The following SORCS2 variants were observed in gnomAD, a reference collection of about 807,000 sequenced individuals.
SORCS2 encodes the protein VPS10 domain-containing receptor SorCS2.
A neutral mutation model predicts 141.6 loss-of-function variants in SORCS2; 100 were observed. That is an observed-to-expected ratio of 0.71 (90% CI 0.60 to 0.83). The LOEUF is 0.83. Among genes scored for constraint, SORCS2 ranks in the 40% least tolerant of loss-of-function variants. The pLI is 0.00. For missense variants in SORCS2, 1,646 were observed against 1,560.2 expected, an observed-to-expected ratio of 1.05 and a Z score of -0.93; for synonymous variants, 789 against 676.9, an observed-to-expected ratio of 1.17 and a Z score of -2.57.
chr4:7,410,783 A>G (rs1725249345), intron 2 of SORCS2, among the ~76,000 whole-genome samples: 1 of 151,754 alleles, frequency 6.6e-6, no homozygotes, highest in Non-Finnish European at 1.5e-5. Context: ...TGTATTCAAT[A>G]AATAATTCAC....
chr4:7,593,492 G>A (rs908796053), intron 3 of SORCS2, among the ~76,000 whole-genome samples: 3 of 152,152 alleles, frequency 2.0e-5, no homozygotes, highest in South Asian at 2.1e-4. Context: ...TGAGAGACCC[G>A]GATGTCCTGC....
chr4:7,274,272 T>C (rs750157025), intron 1 of SORCS2, among the ~76,000 whole-genome samples: 8 of 152,210 alleles, frequency 5.3e-5, no homozygotes, highest in Non-Finnish European at 1.0e-4. Flanking sequence ...TGGTTTGGAA[T>C]TGTTGGAAGA....
intron 2 of SORCS2, among the ~76,000 whole-genome samples, chr4:7,446,771 G>C (rs932301918): frequency 6.6e-6 from 1 of 152,226 alleles, no homozygotes. Flanking sequence ...GGCCACCAGG[G>C]GCAATTGTAC....
chr4:7,241,474 G>C (rs1050513421), intron 1 of SORCS2, among the ~76,000 whole-genome samples: 2 of 152,156 alleles, frequency 1.3e-5, no homozygotes, highest in Non-Finnish European at 2.9e-5. Context: ...GGTCCAGCCT[G>C]AGTCCCTCCT....
chr4:7,288,791 T>TG (rs770898060), intron 1 of SORCS2, among the ~76,000 whole-genome samples: 7,114 of 30,660 alleles, frequency 0.23, 358 homozygotes, highest in African/African-American at 0.32. Flanking sequence ...TCATGTGGGG[T>TG]GGGGGGGGGA....
chr4:7,664,515 G>A lies in SORCS2; in HGVS notation c.1071+44G>A, dbSNP rs772639306. 9.8e-6 allele frequency: 14 copies of A among 1,431,714 alleles called. No homozygotes were observed. Among genetic ancestry groups the A allele is most frequent in the Admixed American group, 8.3e-5 (4 of 48,484 alleles). The allele number at this position is 1,431,714 out of a possible 1,614,324, so 88.7% of individuals were successfully genotyped here. On this transcript the variant is annotated intron_variant, in intron 7 of 26. Coordinates refer to ENST00000507866, the MANE Select transcript of SORCS2 (RefSeq NM_020777.3). This position sits in a 1 kb window ranked among gnomAD's most constrained non-coding sequence, Gnocchi z 4.7. The stretch of plus-strand genomic sequence containing the variant: ...CTTTTGGAAATTGGCAACAGGTGAC[G>A]TGGCGGATGACCCGTTCGCGGCAAA...
At chr4:7,566,011 TG>T (rs1238739625) in intron 3 of SORCS2, among the ~76,000 whole-genome samples, 10 of 2,196 alleles carry the variant, frequency 4.6e-3, no homozygotes, top group African/African-American at 0.01. Flanking sequence ...ATGGTGATAA[TG>T]ATGGTGATGA....
chr4:7,229,830 T>C (rs1711700427), intron 1 of SORCS2, among the ~76,000 whole-genome samples: 1 of 147,704 alleles, frequency 6.8e-6, no homozygotes, highest in Non-Finnish European at 1.5e-5. Context: ...CATGCTCGTG[T>C]ATGAAGGAGA....
At chr4:7,471,997 C>T (rs773541447) in intron 2 of SORCS2, among the ~76,000 whole-genome samples, 9 of 152,242 alleles carry the variant, frequency 5.9e-5, no homozygotes, top group Non-Finnish European at 1.2e-4. Context: ...CCCGATTCAG[C>T]GGCATCATTC....
At chr4:7,361,084 C>T (rs1157048534) in intron 1 of SORCS2, among the ~76,000 whole-genome samples, 1 of 152,174 alleles carries the variant, frequency 6.6e-6, no homozygotes, top group Non-Finnish European at 1.5e-5. Flanking sequence ...TTGTCAAGCT[C>T]TGCCCGGCAG....
intron 11 of SORCS2, 28 bp downstream of exon 11, chr4:7,689,616 G>A (rs1054254258): frequency 4.5e-6 from 7 of 1,551,258 alleles, no homozygotes; most frequent in Middle Eastern, 1.7e-4. Context: ...CAGGTGGCTG[G>A]CAGGTGCCAT....
At chr4:7,671,328 A>T (rs932228206) in intron 8 of SORCS2, among the ~76,000 whole-genome samples, 1 of 148,652 alleles carries the variant, frequency 6.7e-6, no homozygotes, top group Non-Finnish European at 1.5e-5. Context: ...ACAGGAAAGT[A>T]TGAGCATTCA....
intron 1 of SORCS2, among the ~76,000 whole-genome samples, chr4:7,302,022 C>T (rs73796619): frequency 0.012 from 1,798 of 152,360 alleles, 51 homozygotes; most frequent in African/African-American, 0.041. Context: ...GGCAGCATCC[C>T]ACCTGGTTGG....
intron 2 of SORCS2, among the ~76,000 whole-genome samples, chr4:7,529,169 C>T (rs1480261153): frequency 1.3e-5 from 2 of 152,142 alleles, no homozygotes; most frequent in Non-Finnish European, 2.9e-5. Flanking sequence ...AAATGCCTTT[C>T]CCCAGCCAGG....
intron 1 of SORCS2, among the ~76,000 whole-genome samples, chr4:7,374,198 T>TC (rs1722483753): frequency 6.7e-6 from 1 of 149,612 alleles, no homozygotes; most frequent in African/African-American, 2.5e-5. Context: ...TTTCTTTCTT[T>TC]TTTGCAGAGA....
intron 2 of SORCS2, among the ~76,000 whole-genome samples, chr4:7,510,242 G>C (rs115895464): frequency 0.022 from 3,310 of 152,322 alleles, 119 homozygotes; most frequent in African/African-American, 0.075. Flanking sequence ...CGGGGCTGAG[G>C]CTCCCTCCGC....
intron 1 of SORCS2, among the ~76,000 whole-genome samples, chr4:7,366,258 T>C (rs960854941): frequency 1.6e-4 from 24 of 151,498 alleles, no homozygotes; most frequent in African/African-American, 5.6e-4. Context: ...CCTCTCTCTC[T>C]CTCAGTCCTG....
At chr4:7,576,971 C>T (rs775364505) in intron 3 of SORCS2, among the ~76,000 whole-genome samples, 11 of 152,180 alleles carry the variant, frequency 7.2e-5, no homozygotes, top group African/African-American at 2.7e-4. Flanking sequence ...TGGATATTCA[C>T]GTGAAATGTC....
chr4:7,484,846 A>G (rs1259681480), intron 2 of SORCS2, among the ~76,000 whole-genome samples: 1 of 151,584 alleles, frequency 6.6e-6, no homozygotes, highest in Admixed American at 6.6e-5. Context: ...TCCTCCACGC[A>G]GCCCACCTCC....
Sources: gnomAD v4.1 joint callset for allele counts (sites outside exome capture counted in the v4.1 genomes callset) on GRCh38, gnomAD v4.1.1 for gene constraint, Gnocchi (gnomAD v3.1) non-coding constraint, MANE v1.5 for transcripts, NCBI Gene and HGNC (gene_info 2026-07-23, HGNC 2026-07-21) for gene names.